The following SCEL variants were observed in gnomAD, a reference collection of about 807,000 sequenced individuals.
SCEL encodes the protein sciellin.
A neutral mutation model predicts 117.6 loss-of-function variants in SCEL; 113 were observed. The ratio of observed to expected loss-of-function variants is 0.96; its 90% CI spans 0.83 to 1.12. The LOEUF (loss-of-function observed/expected upper bound fraction) is 1.12, where lower values mean the gene tolerates loss of function less well. Among genes scored for constraint, SCEL ranks in the 50% most tolerant of loss-of-function variants. The pLI, the probability that SCEL is intolerant of heterozygous loss-of-function variation, is 0.00. For synonymous variants in SCEL, 270 were observed against 256.2 expected (o/e 1.05, Z -0.51); for missense variants, 785 against 810.8 (o/e 0.97, Z 0.39).
chr13:77,610,180 C>T (rs551186319), intron 22 of SCEL, 74 bp downstream of exon 22: 28 of 1,068,044 alleles, frequency 2.6e-5, no homozygotes, highest in African/African-American at 1.8e-4. Flanking sequence ...ACAAATTGTG[C>T]GGTGGCTTAC....
In SCEL at chr13:77,644,319, TAA is replaced by T. The variant is rs1217209611; in HGVS notation, c.*47_*48del. 2 of 1,591,426 alleles carry T rather than the reference TAA, an allele frequency of 1.3e-6. No homozygotes were observed. The highest frequency in any genetic ancestry group is 4.5e-5 in the East Asian group (2 of 44,726). ...AGATGAAAAGCACTCATTAAGGAAT[TAA>T]AGTTACAAGTTTTATCTTAATAATA... On this transcript the variant is annotated 3_prime_UTR_variant, in exon 33 of 33. Coordinates refer to ENST00000349847, the MANE Select transcript of SCEL (RefSeq NM_144777.3).
chr13:77,627,909 T>A (rs767650022), intron 27 of SCEL, 38 bp from the exon 28 acceptor site: 1 of 831,352 alleles, frequency 1.2e-6, no homozygotes, highest in Non-Finnish European at 1.9e-6. Flanking sequence ...CCTATCATTA[T>A]GTTGTAATTA....
chr13:77,581,261 A>G (rs1374104853), intron 9 of SCEL, among the ~76,000 whole-genome samples: 1 of 152,210 alleles, frequency 6.6e-6, no homozygotes, highest in Non-Finnish European at 1.5e-5. Context: ...ATTCAAAATA[A>G]TTAAAATATT....
chr13:77,539,814 G>A (rs918252789), intron 1 of SCEL, among the ~76,000 whole-genome samples: 4 of 152,262 alleles, frequency 2.6e-5, no homozygotes, highest in East Asian at 1.9e-4. Flanking sequence ...GATTACAGGC[G>A]TGAGCCACTG....
chr13:77,631,357 T>G (rs888322782), intron 28 of SCEL, among the ~76,000 whole-genome samples: 3 of 152,184 alleles, frequency 2.0e-5, no homozygotes, highest in Admixed American at 1.3e-4. Flanking sequence ...AAACAAAGAC[T>G]TCCAGACTAT....
At chr13:77,536,023 T>C (rs2083407131) in intron 1 of SCEL, among the ~76,000 whole-genome samples, 199 bp downstream of exon 1, 1 of 152,162 alleles carries the variant, frequency 6.6e-6, no homozygotes, top group Non-Finnish European at 1.5e-5. Flanking sequence ...TTGAACTTCT[T>C]GGCAATTTTA....
chr13:77,634,224 T>G (rs1246974073), intron 28 of SCEL, among the ~76,000 whole-genome samples, 155 bp from the exon 29 acceptor site: 1 of 152,214 alleles, frequency 6.6e-6, no homozygotes, highest in Non-Finnish European at 1.5e-5. Context: ...ATTTTTGCAG[T>G]GCTGTGTTAA....
At chr13:77,639,364 TAGAA>T (rs1183784929) in intron 30 of SCEL, among the ~76,000 whole-genome samples, 4 of 152,216 alleles carry the variant, frequency 2.6e-5, no homozygotes. Flanking sequence ...ACATGAGACT[TAGAA>T]AGACATTACT....
At chr13:77,550,827 A>T (rs756910913) in intron 1 of SCEL, among the ~76,000 whole-genome samples, 2 of 152,156 alleles carry the variant, frequency 1.3e-5, no homozygotes, top group Non-Finnish European at 2.9e-5. Context: ...CCATTCATGT[A>T]TAAGTTTTTG....
chr13:77,553,525 T>G (rs2154395436), intron 1 of SCEL, among the ~76,000 whole-genome samples: 1 of 152,260 alleles, frequency 6.6e-6, no homozygotes, highest in Non-Finnish European at 1.5e-5. Flanking sequence ...GGCAAAATAG[T>G]CACTAGTTGA....
At chr13:77,613,191 C>T (rs559433545) in intron 23 of SCEL, among the ~76,000 whole-genome samples, 13 of 152,092 alleles carry the variant, frequency 8.5e-5, no homozygotes, top group African/African-American at 2.7e-4. Flanking sequence ...TCCTTTGACA[C>T]AGTAACAGCA....
intron 27 of SCEL, among the ~76,000 whole-genome samples, chr13:77,622,880 A>G (rs1003464378): frequency 1.3e-5 from 2 of 152,064 alleles, no homozygotes; most frequent in African/African-American, 4.8e-5. Context: ...CAAACAAAAA[A>G]CATTATTAGT....
intron 27 of SCEL, among the ~76,000 whole-genome samples, chr13:77,620,215 C>T (rs1438616448): frequency 6.6e-6 from 1 of 152,116 alleles, no homozygotes; most frequent in East Asian, 1.9e-4. Context: ...AGCAGACAAA[C>T]AGGAAAGACT....
At chr13:77,571,738 A>T (rs1433684111) in intron 8 of SCEL, among the ~76,000 whole-genome samples, 2 of 149,966 alleles carry the variant, frequency 1.3e-5, no homozygotes, top group African/African-American at 2.5e-5. Context: ...TATAGAGTAG[A>T]GTATAAGATT....
intron 8 of SCEL, among the ~76,000 whole-genome samples, chr13:77,571,505 A>G (rs937461535): frequency 4.6e-5 from 7 of 151,852 alleles, no homozygotes; most frequent in African/African-American, 1.7e-4. Context: ...CCTGACCAAC[A>G]TGGAGAAACC....
intron 27 of SCEL, among the ~76,000 whole-genome samples, chr13:77,620,763 C>T (rs570399597): frequency 6.0e-5 from 9 of 150,444 alleles, no homozygotes; most frequent in African/African-American, 2.2e-4. Context: ...GACACCAAGG[C>T]CTTTATAGTT....
chr13:77,642,823 C>A lies in SCEL; in HGVS notation c.2050+15C>A. 2.8e-6 allele frequency: 4 copies of A among 1,414,020 alleles called. No individual in the cohort carries two copies. Among genetic ancestry groups the A allele is most frequent in the South Asian group, 1.3e-5 (1 of 76,842 alleles). 87.6% of individuals were successfully genotyped at this position (1,414,020 alleles called of 1,614,324 possible). ...TAAAATTATGGGTAAGTGTTACACT[C>A]TAAGCATTTAACACTTTGGTTAACC... On this transcript the variant is annotated intron_variant, in intron 32 of 32. Transcript: ENST00000349847.
Position 77,644,453 on chromosome 13 carries a change from A to G in SCEL, c.*179A>G, listed in dbSNP as rs1322353803. The G allele has an allele frequency of 4.9e-6, 3 of 608,716 alleles. No homozygotes were observed. Among genetic ancestry groups the G allele is most frequent in the African/African-American group, 1.9e-5 (1 of 53,686 alleles). 37.7% of individuals were successfully genotyped at this position (608,716 alleles called of 1,614,324 possible). ...GTCTTCAATAAGGTCACACACATAAAAAGAGCCATCTGGTCTCTGGCTAGA... is the reference window on the plus strand; with the variant it reads ...GTCTTCAATAAGGTCACACACATAAGAAGAGCCATCTGGTCTCTGGCTAGA... On this transcript the variant is annotated 3_prime_UTR_variant, in exon 33 of 33. Coordinates refer to ENST00000349847, the MANE Select transcript of SCEL (RefSeq NM_144777.3).
intron 28 of SCEL, among the ~76,000 whole-genome samples, chr13:77,631,714 A>C (rs1017926896): frequency 3.3e-5 from 5 of 152,254 alleles, no homozygotes; most frequent in African/African-American, 1.2e-4. Flanking sequence ...GTTGTCCCAC[A>C]TTCCAAACCT....
Sources: gnomAD v4.1 joint callset for allele counts (sites outside exome capture counted in the v4.1 genomes callset) on GRCh38, gnomAD v4.1.1 for gene constraint, MANE v1.5 for transcripts, NCBI Gene and HGNC (gene_info 2026-07-23, HGNC 2026-07-21) for gene names.